The following STPG2 variants were observed in gnomAD, a reference collection of about 807,000 sequenced individuals.
STPG2 encodes sperm tail PG-rich repeat containing 2, also known as sperm-tail PG-rich repeat-containing protein 2.
STPG2 carries 56 observed loss-of-function variants against 54.2 expected under a neutral mutation model. The ratio of observed to expected loss-of-function variants is 1.03; its 90% CI spans 0.83 to 1.29. STPG2 has a LOEUF of 1.29. Ranked by LOEUF, STPG2 falls within the 50% of genes most tolerant of loss-of-function variation. The probability of loss-of-function intolerance (pLI) is 0.00; values close to 1 mark genes in which losing one functional copy is unlikely to be tolerated. For missense variants in STPG2, 596 were observed against 544.9 expected (o/e 1.09, Z -0.93); for synonymous variants, 200 against 181.8 (o/e 1.10, Z -0.81).
At chr4:97,994,241 G>A (rs748320049) in intron 5 of STPG2, among the ~76,000 whole-genome samples, 1 of 152,186 alleles carries the variant, frequency 6.6e-6, no homozygotes, top group African/African-American at 2.4e-5. Flanking sequence ...TCATTCAGGA[G>A]CAGGTTATTT....
intron 8 of STPG2, among the ~76,000 whole-genome samples, chr4:97,920,202 C>T (rs565224395): frequency 6.6e-6 from 1 of 152,226 alleles, no homozygotes; most frequent in South Asian, 2.1e-4. Context: ...TGCAGTCTTT[C>T]CCCATATCCA....
chr4:97,974,278 C>G (rs1410844652), intron 6 of STPG2, among the ~76,000 whole-genome samples: 1 of 152,114 alleles, frequency 6.6e-6, no homozygotes, highest in Admixed American at 6.5e-5. Flanking sequence ...AGGCCTGTAC[C>G]CCCATTGTAT....
At chr4:97,771,205 T>C (rs1029508457) in intron 9 of STPG2, among the ~76,000 whole-genome samples, 5 of 152,168 alleles carry the variant, frequency 3.3e-5, no homozygotes, top group Non-Finnish European at 7.4e-5. Context: ...AGGCACACTA[T>C]GTCAATATCA....
Position 97,914,769 on chromosome 4 carries a change from A to T in STPG2, c.1044+29128T>A, listed in dbSNP as rs564743874. Among the ~76,000 whole-genome samples, 59 of 152,350 alleles carry T rather than the reference A, an allele frequency of 3.9e-4. No homozygotes were observed. The South Asian group carries it at 4.8e-3, about 12-fold the overall frequency. On this transcript the variant is annotated intron_variant, in intron 8 of 10. Transcript: ENST00000295268. ...ATCCAAAATCTGAAATGCTCCAATGAGCATTTTCTTTGAGCATCATGTCGG... is the reference window on the plus strand; with the variant it reads ...ATCCAAAATCTGAAATGCTCCAATGTGCATTTTCTTTGAGCATCATGTCGG...
chr4:97,712,042 G>A (rs750377832), intron 10 of STPG2, among the ~76,000 whole-genome samples: 1 of 152,020 alleles, frequency 6.6e-6, no homozygotes, highest in African/African-American at 2.4e-5. Context: ...GCCCCAAAAA[G>A]AACATTCATT....
chr4:98,005,064 T>G (rs1179076007), intron 5 of STPG2, among the ~76,000 whole-genome samples: 1 of 151,658 alleles, frequency 6.6e-6, no homozygotes, highest in Non-Finnish European at 1.5e-5. Context: ...TAAAAAAAAA[T>G]TATTGCCCAG....
intron 4 of STPG2, among the ~76,000 whole-genome samples, chr4:97,547,568 T>C (rs1244317184): frequency 2.0e-5 from 3 of 152,180 alleles, no homozygotes; most frequent in Non-Finnish European, 4.4e-5. Flanking sequence ...TAGAAAGTAC[T>C]CTGCCTGCAA....
chr4:97,626,094 GA>G (rs1734131435), intron 10 of STPG2, among the ~76,000 whole-genome samples: 1 of 152,096 alleles, frequency 6.6e-6, no homozygotes, highest in Admixed American at 6.5e-5. Flanking sequence ...CAATTTACAT[GA>G]AATCCCATAA....
chr4:97,474,964 C>T (rs1437421098), intron 4 of STPG2, among the ~76,000 whole-genome samples: 2 of 152,016 alleles, frequency 1.3e-5, no homozygotes, highest in African/African-American at 2.4e-5. Context: ...ATATGGTTCT[C>T]TACAAGTTAA....
At chr4:98,040,905 C>T (rs1228196243) in intron 5 of STPG2, among the ~76,000 whole-genome samples, 1 of 151,704 alleles carries the variant, frequency 6.6e-6, no homozygotes, top group Non-Finnish European at 1.5e-5. Flanking sequence ...CTGTAGACTG[C>T]TTTAAGAATC....
intron 4 of STPG2, among the ~76,000 whole-genome samples, chr4:97,460,888 C>G (rs1422616228): frequency 1.3e-5 from 2 of 152,192 alleles, no homozygotes; most frequent in African/African-American, 4.8e-5. Context: ...GCTCTTGAGT[C>G]TGGTTTCATT....
chr4:97,590,638 G>GAC (rs5860506), intron 10 of STPG2, among the ~76,000 whole-genome samples: 41,855 of 138,168 alleles, frequency 0.3, 6,705 homozygotes, highest in Non-Finnish European at 0.37. Flanking sequence ...CAGACACACA[G>GAC]ACACACACAC....
chr4:97,767,203 T>A (rs1225620721), intron 9 of STPG2, among the ~76,000 whole-genome samples: 1 of 152,164 alleles, frequency 6.6e-6, no homozygotes, highest in Non-Finnish European at 1.5e-5. Context: ...ATTATGTTTA[T>A]TTTTCTCTTC....
At chr4:97,933,233 G>T (rs1223546632) in intron 8 of STPG2, among the ~76,000 whole-genome samples, 4 of 150,618 alleles carry the variant, frequency 2.7e-5, no homozygotes, top group Non-Finnish European at 5.9e-5. Flanking sequence ...TTGTAAATTT[G>T]TTTAAGTTCC....
intron 5 of STPG2, among the ~76,000 whole-genome samples, chr4:98,010,939 T>C (rs1375146680): frequency 6.6e-6 from 1 of 152,148 alleles, no homozygotes; most frequent in Non-Finnish European, 1.5e-5. Context: ...TTTTATATTA[T>C]TGATGTTATA....
chr4:97,752,286 C>A (rs755412457), intron 9 of STPG2, among the ~76,000 whole-genome samples: 80 of 151,676 alleles, frequency 5.3e-4, no homozygotes, highest in Middle Eastern at 3.4e-3. Context: ...AAGGTATAAC[C>A]TTTAAATGAC....
chr4:98,117,783 T>C (rs1008826701), intron 3 of STPG2, among the ~76,000 whole-genome samples: 5 of 152,110 alleles, frequency 3.3e-5, no homozygotes, highest in Admixed American at 3.3e-4. Flanking sequence ...GTTTTTATAA[T>C]TTCTATCTCT....
At chr4:97,915,080 A>T (rs1234044180) in intron 8 of STPG2, among the ~76,000 whole-genome samples, 1 of 152,172 alleles carries the variant, frequency 6.6e-6, no homozygotes, top group Non-Finnish European at 1.5e-5. Flanking sequence ...GGGTGTTTCC[A>T]GGACAACATA....
intron 10 of STPG2, among the ~76,000 whole-genome samples, chr4:97,689,792 AT>A (rs1318101387): frequency 6.6e-6 from 1 of 152,084 alleles, no homozygotes; most frequent in Non-Finnish European, 1.5e-5. Flanking sequence ...TAACTTGAAA[AT>A]TCTTCAGTTT....
Sources: gnomAD v4.1 joint callset for allele counts (sites outside exome capture counted in the v4.1 genomes callset) on GRCh38, gnomAD v4.1.1 for gene constraint, MANE v1.5 for transcripts, NCBI Gene and HGNC (gene_info 2026-07-23, HGNC 2026-07-21) for gene names.